TXLNG: variants seen among roughly 807,000 people sequenced by gnomAD.
The protein encoded by TXLNG is taxilin gamma, also known as gamma-taxilin.
TXLNG carries 5 observed loss-of-function variants against 38.8 expected under a neutral mutation model. The observed-to-expected ratio is 0.13, with a 90% CI of 0.07 to 0.27. The LOEUF (loss-of-function observed/expected upper bound fraction) is 0.27, where lower values mean the gene tolerates loss of function less well. Among genes scored for constraint, TXLNG ranks in the 10% least tolerant of loss-of-function variants. The probability of loss-of-function intolerance (pLI) is 1.00; values close to 1 mark genes in which losing one functional copy is unlikely to be tolerated. For synonymous variants in TXLNG, 182 were observed against 158.2 expected, an observed-to-expected ratio of 1.15 and a Z score of -1.13; for missense variants, 393 against 398.2, an observed-to-expected ratio of 0.99 and a Z score of 0.11.
intron 1 of TXLNG, among the ~76,000 whole-genome samples, chrX:16,808,194 T>A (rs184738567): frequency 1.8e-5 from 2 of 111,205 alleles, no homozygotes; most frequent in African/African-American, 6.5e-5. Flanking sequence ...GGATTATTCG[T>A]GTTTAAGGCT....
chrX:16,832,161 T>G (rs1467140999), intron 5 of TXLNG, among the ~76,000 whole-genome samples: 1 of 112,216 alleles, frequency 8.9e-6, no homozygotes, highest in Non-Finnish European at 1.9e-5. Flanking sequence ...TGGCCAGGAT[T>G]TGACCTGGGC....
chrX:16,841,109 C>T (rs1375297169), intron 9 of TXLNG, among the ~76,000 whole-genome samples: 1 of 109,002 alleles, frequency 9.2e-6, no homozygotes, highest in African/African-American at 3.4e-5. Flanking sequence ...GCAGGAGAAT[C>T]ACCTCAACCC....
At chrX:16,804,971 A>ACC (rs755782507) in intron 1 of TXLNG, among the ~76,000 whole-genome samples, 1 of 1,683 alleles carries the variant, frequency 5.9e-4, no homozygotes, top group African/African-American at 2.9e-3. Flanking sequence ...ACCACTGCCC[A>ACC]CCCCCCCCCC....
chrX:16,840,459 G>A, intron 9 of TXLNG: 10 of 754,399 alleles, frequency 1.3e-5, no homozygotes, highest in Non-Finnish European at 1.6e-5. Context: ...GAAAGAAAAC[G>A]CTGGGGCACA....
intron 1 of TXLNG, among the ~76,000 whole-genome samples, chrX:16,789,416 A>G (rs1302020507): frequency 9.0e-6 from 1 of 110,570 alleles, no homozygotes. Context: ...CACTAGTGAC[A>G]TGTAGCTAAA....
intron 6 of TXLNG, among the ~76,000 whole-genome samples, chrX:16,833,439 C>A (rs1352107495): frequency 8.9e-6 from 1 of 111,962 alleles, no homozygotes; most frequent in African/African-American, 3.2e-5. Context: ...ACAGCCCTGA[C>A]ATGAGCACAG....
intron 5 of TXLNG, among the ~76,000 whole-genome samples, chrX:16,831,666 GTTTGT>G (rs1037326484): frequency 7.1e-5 from 8 of 112,036 alleles, no homozygotes; most frequent in African/African-American, 9.7e-5. Context: ...TAGTTTTGTT[GTTTGT>G]TTTGACAGTC....
chrX:16,821,972 C>T (rs1352800949), intron 3 of TXLNG, among the ~76,000 whole-genome samples: 2 of 106,260 alleles, frequency 1.9e-5, no homozygotes, highest in Non-Finnish European at 3.9e-5. Context: ...CCAGCCTGGG[C>T]AACGGAGCGA....
rs1443420734 is a variant in TXLNG, at chrX:16,814,420, C to A, written c.103-4154C>A. On this transcript the variant is annotated intron_variant, in intron 1 of 9. Transcript: ENST00000380122. ...CCTAAGGTCAGGAGTTCGTGACCAG[C>A]CTGGCCAACATGGTGAAACCCTGTC... is the stretch of plus-strand genomic sequence containing the variant. Among the ~76,000 whole-genome samples the A allele has an allele frequency of 2.7e-5, 3 of 111,831 alleles. No individual in the cohort carries two copies. The East Asian group carries it at 8.4e-4, about 31-fold the overall frequency.
At chrX:16,828,638 A>T (rs974999407) in intron 4 of TXLNG, among the ~76,000 whole-genome samples, 3 of 112,068 alleles carry the variant, frequency 2.7e-5, no homozygotes, top group African/African-American at 9.7e-5. Context: ...CTAGTAACAG[A>T]CAGTCTGGGA....
chrX:16,791,642 A>G (rs777613825), intron 1 of TXLNG, among the ~76,000 whole-genome samples: 3 of 111,594 alleles, frequency 2.7e-5, no homozygotes, highest in Admixed American at 1.9e-4. Context: ...CAGGAGTGCA[A>G]TGGCGCAATC....
chrX:16,832,483 G>C (rs1401455595), intron 5 of TXLNG, 140 bp from the exon 6 acceptor site: 3 of 822,484 alleles, frequency 3.6e-6, no homozygotes, highest in Admixed American at 2.7e-5. Context: ...TACAGGGACA[G>C]AGAGAGAGCT....
chrX:16,822,087 C>T (rs1484680245), intron 3 of TXLNG, among the ~76,000 whole-genome samples: 1 of 109,943 alleles, frequency 9.1e-6, no homozygotes, highest in Non-Finnish European at 1.9e-5. Context: ...GCCTGTAATC[C>T]CAGCACTTTG....
At chrX:16,831,910 T>C (rs1215181317) in intron 5 of TXLNG, among the ~76,000 whole-genome samples, 2 of 112,228 alleles carry the variant, frequency 1.8e-5, no homozygotes, top group Non-Finnish European at 3.8e-5. Flanking sequence ...GTTCCGTTTC[T>C]CCAGCTGGGA....
At chrX:16,808,594 C>G (rs1928406290) in intron 1 of TXLNG, among the ~76,000 whole-genome samples, 1 of 111,665 alleles carries the variant, frequency 9.0e-6, no homozygotes, top group African/African-American at 3.3e-5. Flanking sequence ...ATTGGATATA[C>G]TACTCTGCTC....
At chrX:16,822,319 C>T (rs4285617) in intron 3 of TXLNG, among the ~76,000 whole-genome samples, 50,548 of 107,316 alleles carry the variant, frequency 0.47, 9,159 homozygotes, top group East Asian at 0.84. Context: ...CCAGCCTGGA[C>T]GACAGAGTGA....
chrX:16,818,171 G>A (rs1389890122), intron 1 of TXLNG, among the ~76,000 whole-genome samples: 1 of 110,942 alleles, frequency 9.0e-6, no homozygotes, highest in South Asian at 3.9e-4. Flanking sequence ...GGGAGCATGG[G>A]GTTTTGATGG....
Position 16,841,703 on chromosome X carries a change from G to C in TXLNG, c.1524G>C (p.Gln508His). The change falls in exon 10 of 10, where the codon CAG (glutamine) becomes CAC (histidine). Residue 508 changes from glutamine (Q) to histidine (H), a missense_variant. By Grantham distance (24) the Gln-to-His change is conservative. Transcript: ENST00000380122. The part of the protein sequence containing the change: ...GAHLEAEPKS[Q>H]RSAVQKPPST... ...ACCTGGAGGCTGAGCCCAAGAGTCAGAGAAGCGCTGTGCAAAAGCCCCCGT... is the reference window on the plus strand; with the variant it reads ...ACCTGGAGGCTGAGCCCAAGAGTCACAGAAGCGCTGTGCAAAAGCCCCCGT... 3 of 1,212,075 alleles carry C rather than the reference G, an allele frequency of 2.5e-6. No individual in the cohort carries two copies. Among genetic ancestry groups the C allele is most frequent in the Non-Finnish European group, 3.3e-6 (3 of 895,613 alleles).
At chrX:16,795,952 A>G (rs1448003735) in intron 1 of TXLNG, among the ~76,000 whole-genome samples, 1 of 108,062 alleles carries the variant, frequency 9.3e-6, no homozygotes, top group East Asian at 2.9e-4. Flanking sequence ...AGCTGGGATT[A>G]CAGGTATGCG....
Sources: allele counts gnomAD v4.1 joint callset (sites outside exome capture counted in the v4.1 genomes callset), GRCh38; gene constraint gnomAD v4.1.1; transcripts MANE v1.5; gene names NCBI Gene and HGNC (gene_info 2026-07-23, HGNC 2026-07-21).